The following XKR9 variants were observed in gnomAD, a reference collection of about 807,000 sequenced individuals.
XKR9 encodes XK-related protein 9.
Under a neutral mutation model 32.0 loss-of-function variants are expected in XKR9, and 32 were observed. The ratio of observed to expected loss-of-function variants is 1.00; its 90% CI spans 0.76 to 1.34. The LOEUF (loss-of-function observed/expected upper bound fraction) is 1.34, where lower values mean the gene tolerates loss of function less well. Ranked by LOEUF, XKR9 falls within the 40% of genes most tolerant of loss-of-function variation. XKR9 has a pLI of 0.00. For synonymous variants in XKR9, 168 were observed against 143.4 expected, an observed-to-expected ratio of 1.17 and a Z score of -1.22; for missense variants, 546 against 429.7, an observed-to-expected ratio of 1.27 and a Z score of -2.39.
chr8:70,729,644 A>G (rs151313626), intron 4 of XKR9, among the ~76,000 whole-genome samples: 1,668 of 152,342 alleles, frequency 0.011, 21 homozygotes, highest in Non-Finnish European at 0.013. Context: ...TAGGGCAGCC[A>G]TAGTTAAAGA....
the XKR9 span, among the ~76,000 whole-genome samples, chr8:70,964,114 T>C: frequency 6.6e-6 from 1 of 152,222 alleles, no homozygotes; most frequent in Non-Finnish European, 1.5e-5. Context: ...CATTTAAGTC[T>C]TCAGTCCATC....
At chr8:70,826,631 C>T in the XKR9 span, among the ~76,000 whole-genome samples, 1 of 152,116 alleles carries the variant, frequency 6.6e-6, no homozygotes, top group Admixed American at 6.5e-5. Flanking sequence ...TCAGACTTTC[C>T]ATTTCCCATA....
the XKR9 span, among the ~76,000 whole-genome samples, chr8:70,869,343 G>A: frequency 6.6e-6 from 1 of 152,176 alleles, no homozygotes; most frequent in Non-Finnish European, 1.5e-5. Context: ...CACATGGCTG[G>A]GGAGGCCTCA....
the XKR9 span, among the ~76,000 whole-genome samples, chr8:70,980,200 T>A: frequency 6.6e-6 from 1 of 152,258 alleles, no homozygotes; most frequent in Non-Finnish European, 1.5e-5. Flanking sequence ...GGAAATCCCC[T>A]GACCCCTTGT....
chr8:70,739,052 C>G (rs1378922516), downstream of XKR9, among the ~76,000 whole-genome samples: 1 of 144,100 alleles, frequency 6.9e-6, no homozygotes. Flanking sequence ...GTTGATCTGT[C>G]TAATGTTGAC....
intron 2 of XKR9, among the ~76,000 whole-genome samples, chr8:70,783,210 T>G (rs1190317430): frequency 6.6e-6 from 1 of 152,022 alleles, no homozygotes; most frequent in Non-Finnish European, 1.5e-5. Context: ...AATATGTCTG[T>G]TGGCCATTTG....
At chr8:70,998,491 C>T in the XKR9 span, among the ~76,000 whole-genome samples, 48,485 of 152,070 alleles carry the variant, frequency 0.32, 9,056 homozygotes, top group Non-Finnish European at 0.43. Context: ...TGTGTACTTC[C>T]CTGCAGAGCT....
At chr8:70,815,494 G>C in the XKR9 span, among the ~76,000 whole-genome samples, 1 of 121,802 alleles carries the variant, frequency 8.2e-6, no homozygotes, top group Non-Finnish European at 1.8e-5. Context: ...CAAATTACAC[G>C]ATCTCATTCC....
chr8:70,963,500 G>A, the XKR9 span, among the ~76,000 whole-genome samples: 3 of 152,112 alleles, frequency 2.0e-5, no homozygotes. Context: ...GAATTGCTGG[G>A]TCAAATGGTA....
the XKR9 span, among the ~76,000 whole-genome samples, chr8:70,893,647 C>CT: frequency 6.6e-6 from 1 of 152,224 alleles, no homozygotes; most frequent in Non-Finnish European, 1.5e-5. Context: ...CCTTAGTGGT[C>CT]TAGGCTGTAG....
the XKR9 span, among the ~76,000 whole-genome samples, chr8:70,963,988 T>G: frequency 9.9e-3 from 1,509 of 152,346 alleles, 22 homozygotes; most frequent in African/African-American, 0.034. Context: ...ATTTGTCAAT[T>G]TTTGCTTTTG....
At chr8:70,899,651 C>A in the XKR9 span, among the ~76,000 whole-genome samples, 45,789 of 151,886 alleles carry the variant, frequency 0.3, 8,256 homozygotes, top group Non-Finnish European at 0.42. Flanking sequence ...GTCCAGAGTT[C>A]TTAGTTGCAG....
chr8:70,712,785 T>C (rs2132193836), intron 4 of XKR9, among the ~76,000 whole-genome samples: 2 of 152,292 alleles, frequency 1.3e-5, no homozygotes, highest in East Asian at 3.9e-4. Flanking sequence ...TTTAGAGTGA[T>C]TCTAGACTGA....
intron 4 of XKR9, among the ~76,000 whole-genome samples, chr8:70,719,436 A>G (rs1036492636): frequency 1.3e-5 from 2 of 152,002 alleles, no homozygotes; most frequent in African/African-American, 4.8e-5. Flanking sequence ...TTATGGTTTT[A>G]GGTTTTAGGT....
chr8:70,715,691 A>G (rs961046862), intron 4 of XKR9, among the ~76,000 whole-genome samples: 2 of 152,200 alleles, frequency 1.3e-5, no homozygotes, highest in Non-Finnish European at 2.9e-5. Flanking sequence ...AGAAGCAAAG[A>G]AAGATGATTC....
At chr8:71,032,110 G>A in the XKR9 span, among the ~76,000 whole-genome samples, 2 of 151,884 alleles carry the variant, frequency 1.3e-5, no homozygotes, top group African/African-American at 2.4e-5. Context: ...CCTGGCCAAT[G>A]TGGTGAAATC....
chr8:70,719,964 T>A (rs1806221624), intron 4 of XKR9, among the ~76,000 whole-genome samples: 1 of 152,198 alleles, frequency 6.6e-6, no homozygotes, highest in Admixed American at 6.5e-5. Context: ...TTGTGTCCTC[T>A]TTTATTTCCT....
At chr8:70,781,698 G>C (rs1377399487) in intron 2 of XKR9, among the ~76,000 whole-genome samples, 1 of 152,040 alleles carries the variant, frequency 6.6e-6, no homozygotes, top group Non-Finnish European at 1.5e-5. Context: ...CTGATGTTGA[G>C]CATTTTTTTA....
At chr8:70,808,497 G>A in the XKR9 span, among the ~76,000 whole-genome samples, 1 of 152,160 alleles carries the variant, frequency 6.6e-6, no homozygotes, top group Non-Finnish European at 1.5e-5. Context: ...GCAGGGTGAG[G>A]CATTGCCTCA....
Sources: gnomAD v4.1 joint callset for allele counts (sites outside exome capture counted in the v4.1 genomes callset) on GRCh38, gnomAD v4.1.1 for gene constraint, MANE v1.5 for transcripts, NCBI Gene and HGNC (gene_info 2026-07-23, HGNC 2026-07-21) for gene names.